The following GOLGA8A variants were observed in gnomAD, a reference collection of about 807,000 sequenced individuals.
The protein encoded by GOLGA8A is golgin subfamily A member 8A.
GOLGA8A carries 3 observed loss-of-function variants against 22.1 expected under a neutral mutation model. The ratio of observed to expected loss-of-function variants is 0.14; its 90% CI spans 0.06 to 0.35. The LOEUF (loss-of-function observed/expected upper bound fraction) is 0.35. Ranked by LOEUF, GOLGA8A falls within the 10% of genes least tolerant of loss-of-function variation. The pLI is 1.00. For synonymous variants in GOLGA8A, 7 were observed against 91.7 expected (o/e 0.08, Z 5.28); for missense variants, 16 against 233.2 (o/e 0.07, Z 6.07).
intron 2 of GOLGA8A, among the ~76,000 whole-genome samples, chr15:34,426,180 G>T (rs1892975085): frequency 6.7e-6 from 1 of 149,470 alleles, no homozygotes; most frequent in Non-Finnish European, 1.5e-5. Context: ...TTCTCCGTGA[G>T]TGTGAAAAAC....
intron 2 of GOLGA8A, among the ~76,000 whole-genome samples, chr15:34,421,808 C>G (rs1274115495): frequency 7.3e-6 from 1 of 136,210 alleles, no homozygotes; most frequent in South Asian, 2.8e-4. Context: ...GGAGACCCAC[C>G]AATTCCCGGG....
At chr15:34,392,343 CAAAG>C (rs1372535229) in intron 8 of GOLGA8A, among the ~76,000 whole-genome samples, 17 of 3,242 alleles carry the variant, frequency 5.2e-3, no homozygotes, top group African/African-American at 0.022. Flanking sequence ...AATAAACTAT[CAAAG>C]AAGCTAAAGA....
In GOLGA8A at chr15:34,434,588, G is replaced by A. The variant is rs796669264; in HGVS notation, c.-1123+795C>T. On this transcript the variant is annotated intron_variant, in intron 2 of 24. Transcript: ENST00000359187. ...GACATGAGCTGGACCCAACCCAGGC[G>A]GTGGGCAGCAGGGGGGTGGGGAGGA... 4.0e-5 allele frequency among the ~76,000 whole-genome samples: 6 copies of A among 148,914 alleles called. 1 individual carries two copies. The South Asian group carries it at 8.7e-4, about 22-fold the overall frequency.
Position 34,436,270 on chromosome 15 carries a change from G to A in GOLGA8A, c.-1211-799C>T, listed in dbSNP as rs1054482708. On this transcript the variant is annotated intron_variant, in intron 1 of 24. Transcript: ENST00000359187. ...TCAGGTCATTACTTCTAAAACCACT[G>A]TCCTTTCTGAAACAGGAAGGAAAAT... is the stretch of plus-strand genomic sequence containing the variant. Among the ~76,000 whole-genome samples, 11 of 149,326 alleles carry A rather than the reference G, an allele frequency of 7.4e-5. 2 individuals are homozygous for A. Among genetic ancestry groups the A allele is most frequent in the Admixed American group, 4.0e-4 (6 of 14,832 alleles).
chr15:34,431,339 ATATATATC>A lies in GOLGA8A; in HGVS notation c.-1123+4036_-1123+4043del, dbSNP rs1414238641. ...TATATATATATATATATATATATATATATATATCTCACACACACACACTCGTGTCACTT... is the reference window on the plus strand; with the variant it reads ...TATATATATATATATATATATATATATCACACACACACACTCGTGTCACTT... On this transcript the variant is annotated intron_variant, in intron 2 of 24. Transcript: ENST00000359187. Among the ~76,000 whole-genome samples, 4 of 85,466 alleles carry A rather than the reference ATATATATC, an allele frequency of 4.7e-5. No individual in the cohort carries two copies. The South Asian group carries it at 2.6e-3, about 55-fold the overall frequency. The allele number at this position is 85,466 out of a possible 152,430, so 56.1% of individuals were successfully genotyped here. A position where few individuals can be genotyped will look rare whatever the true frequency, so the allele number is the denominator to read the frequency against.
Position 34,380,041 on chromosome 15 carries a change from T to G in GOLGA8A, c.*1370A>C, listed in dbSNP as rs900820592. Reference sequence around the variant, plus strand: ...ACCACAGTGTGTAAACATTTTAAGTTGCATAAACTTCTCCTTGATTTTCAA... The same window carrying G: ...ACCACAGTGTGTAAACATTTTAAGTGGCATAAACTTCTCCTTGATTTTCAA... On this transcript the variant is annotated 3_prime_UTR_variant, in exon 25 of 25. Coordinates refer to ENST00000359187, the MANE Select transcript of GOLGA8A (RefSeq NM_181077.5). The G allele has an allele frequency of 2.4e-4, 36 of 152,678 alleles. No homozygotes were observed. The highest frequency in any genetic ancestry group is 7.5e-4 in the African/African-American group (31 of 41,470). The allele number at this position is 152,678 out of a possible 1,614,324, so 9.5% of individuals were successfully genotyped here.
intron 8 of GOLGA8A, among the ~76,000 whole-genome samples, chr15:34,397,846 G>GA (rs1224109039): frequency 8.2e-6 from 1 of 122,386 alleles, no homozygotes; most frequent in East Asian, 2.1e-4. Context: ...TCCTACCCTG[G>GA]AAAAAACAAA....
intron 2 of GOLGA8A, chr15:34,418,415 A>G (rs1462488247): frequency 7.0e-6 from 1 of 142,650 alleles, no homozygotes; most frequent in African/African-American, 2.5e-5. Flanking sequence ...AATAGAAGGT[A>G]TGTGAATGTT....
At chr15:34,435,022 C>T (rs1029964351) in intron 2 of GOLGA8A, among the ~76,000 whole-genome samples, 7 of 149,680 alleles carry the variant, frequency 4.7e-5, no homozygotes, top group East Asian at 2.0e-4. Context: ...CCCCACCGAC[C>T]GCCAGTCCTC....
At position 34,400,731 on chromosome 15, in the gene GOLGA8A, G is replaced by A. The variant is rs1892028210; in HGVS notation, c.-546C>T. On this transcript the variant is annotated 5_prime_UTR_variant, in exon 6 of 25. Transcript: ENST00000359187. ...ACATACCGGATTCATACTTCAGGAA[G>A]ACAACCCAGTTGACAACGACAACAG... 6.8e-6 allele frequency: 1 copy of A among 146,598 alleles called. No homozygotes were observed. The highest frequency in any genetic ancestry group is 2.1e-4 in the South Asian group (1 of 4,680). The allele number at this position is 146,598 out of a possible 1,614,324, so 9.1% of individuals were successfully genotyped here.
chr15:34,436,978 G>A (rs1356844552), intron 1 of GOLGA8A, among the ~76,000 whole-genome samples: 3 of 149,454 alleles, frequency 2.0e-5, no homozygotes, highest in East Asian at 2.0e-4. Flanking sequence ...TTGCCGCCCG[G>A]CACGGGGACT....
Position 34,433,954 on chromosome 15 carries a change from T to C in GOLGA8A, c.-1123+1429A>G, listed in dbSNP as rs901431921. 9.4e-5 allele frequency among the ~76,000 whole-genome samples: 14 copies of C among 148,702 alleles called. 1 individual carries two copies. The highest frequency in any genetic ancestry group is 3.4e-3 in the Middle Eastern group (1 of 292). ...GTGAGGGGCCGGCCAGGTGGGCATC[T>C]GGGGGTGGCTGATGCCAAGGGGGTG... On this transcript the variant is annotated intron_variant, in intron 2 of 24. Coordinates refer to ENST00000359187, the MANE Select transcript of GOLGA8A (RefSeq NM_181077.5).
chr15:34,437,444 GC>G lies in GOLGA8A; in HGVS notation c.-1259del, dbSNP rs1186017784. 2 of 138,068 alleles carry G rather than the reference GC, an allele frequency of 1.4e-5. No homozygotes were observed. Among genetic ancestry groups the G allele is most frequent in the African/African-American group, 5.3e-5 (2 of 37,872 alleles). 8.6% of individuals were successfully genotyped at this position (138,068 alleles called of 1,614,324 possible). ...CCCGGTCCGCCGCCGTCCTCGCCGC[GC>G]CGCCGTCCTCGCCGCGCCGCCGTCC... On this transcript the variant is annotated 5_prime_UTR_variant, in exon 1 of 25. Transcript: ENST00000359187.
rs1178206646 is a variant in GOLGA8A at position 34,386,296 on chromosome 15, CA to C, written c.285+328del. 2.9e-5 allele frequency among the ~76,000 whole-genome samples: 4 copies of C among 140,232 alleles called. No individual in the cohort carries two copies. In the South Asian group the frequency reaches 9.4e-4, roughly 33 times the overall value. The allele number at this position is 140,232 out of a possible 152,430, so 92.0% of individuals were successfully genotyped here. A position where few individuals can be genotyped will look rare whatever the true frequency, so the allele number is the denominator to read the frequency against. On this transcript the variant is annotated intron_variant, in intron 12 of 24. Transcript: ENST00000359187. ...AAAGGAGAGGTGGCTTGTCCAGAATCAAAGAGCAAATTAGGGACTGAGTCAT... is the reference window on the plus strand; with the variant it reads ...AAAGGAGAGGTGGCTTGTCCAGAATCAAGAGCAAATTAGGGACTGAGTCAT...
chr15:34,432,909 T>C (rs1242746387), intron 2 of GOLGA8A, among the ~76,000 whole-genome samples: 4 of 148,772 alleles, frequency 2.7e-5, no homozygotes, highest in African/African-American at 1.0e-4. Context: ...ACCATGGAGC[T>C]CTTGCTGTCA....
At chr15:34,429,487 A>G (rs1368559994) in intron 2 of GOLGA8A, among the ~76,000 whole-genome samples, 1 of 147,120 alleles carries the variant, frequency 6.8e-6, no homozygotes, top group Non-Finnish European at 1.5e-5. Flanking sequence ...GGGCAAACCC[A>G]CCCACTCTTC....
At chr15:34,421,544 T>C (rs1176487753) in intron 2 of GOLGA8A, among the ~76,000 whole-genome samples, 1 of 142,502 alleles carries the variant, frequency 7.0e-6, no homozygotes, top group African/African-American at 2.6e-5. Flanking sequence ...GATTACTCGT[T>C]TTCAAGCAAC....
intron 2 of GOLGA8A, among the ~76,000 whole-genome samples, chr15:34,434,602 G>T (rs1893410039): frequency 6.7e-6 from 1 of 148,778 alleles, no homozygotes; most frequent in African/African-American, 2.5e-5. Context: ...GGCAGCAGGG[G>T]GGTGGGGAGG....
chr15:34,426,307 G>T (rs1201835979), intron 2 of GOLGA8A, among the ~76,000 whole-genome samples: 1 of 149,546 alleles, frequency 6.7e-6, no homozygotes, highest in Non-Finnish European at 1.5e-5. Flanking sequence ...TGAGCGGATC[G>T]AACTGCAAAT....
Sources: allele counts gnomAD v4.1 joint callset (sites outside exome capture counted in the v4.1 genomes callset), GRCh38; gene constraint gnomAD v4.1.1; transcripts MANE v1.5; gene names NCBI Gene and HGNC (gene_info 2026-07-23, HGNC 2026-07-21).